Variants in SH3PXD2B observed in about 807,000 individuals in gnomAD.
SH3PXD2B encodes the protein SH3 and PX domains 2B.
SH3PXD2B carries 37 observed loss-of-function variants against 73.1 expected under a neutral mutation model. The observed-to-expected ratio is 0.51, with a 90% CI of 0.39 to 0.67. The LOEUF (loss-of-function observed/expected upper bound fraction) is 0.67. Ranked by LOEUF, SH3PXD2B falls within the 30% of genes least tolerant of loss-of-function variation. The pLI, the probability that SH3PXD2B is intolerant of heterozygous loss-of-function variation, is 0.00. For synonymous variants in SH3PXD2B, 457 were observed against 480.5 expected (o/e 0.95, Z 0.64); for missense variants, 1,053 against 1,197.8 (o/e 0.88, Z 1.78).
chr5:172,395,658 G>A (rs1025586388), intron 3 of SH3PXD2B, among the ~76,000 whole-genome samples: 9 of 152,224 alleles, frequency 5.9e-5, no homozygotes, highest in African/African-American at 1.9e-4. Flanking sequence ...TGGGGAGATA[G>A]TGGCGAAGCA....
intron 4 of SH3PXD2B, among the ~76,000 whole-genome samples, chr5:172,384,674 A>G (rs1168670641): frequency 6.6e-6 from 1 of 152,248 alleles, no homozygotes; most frequent in East Asian, 1.9e-4. Context: ...TGCTTGCAGC[A>G]GGCGTAAACA....
At chr5:172,419,520 G>A (rs183091098) in intron 2 of SH3PXD2B, among the ~76,000 whole-genome samples, 41 of 152,274 alleles carry the variant, frequency 2.7e-4, no homozygotes, top group Admixed American at 1.0e-3. Flanking sequence ...CAGGTGGAAG[G>A]TGCTCACTGG....
chr5:172,334,413 C>T lies in SH3PXD2B; in HGVS notation c.*3956G>A. ...CCTCGATGCATGCTGCTCTACCTCT[C>T]ATCAGCCCACAGTCTGACACGAGGT... On this transcript the variant is annotated 3_prime_UTR_variant, in exon 13 of 13. Coordinates refer to ENST00000311601, the MANE Select transcript of SH3PXD2B (RefSeq NM_001017995.3). 2.0e-6 allele frequency: 2 copies of T among 988,968 alleles called. No homozygotes were observed. Among genetic ancestry groups the T allele is most frequent in the African/African-American group, 1.7e-5 (1 of 57,384 alleles). The allele number at this position is 988,968 out of a possible 1,614,324, so 61.3% of individuals were successfully genotyped here.
chr5:172,327,021 G>A (rs1477751555), intron 12 of SH3PXD2B, among the ~76,000 whole-genome samples: 1 of 151,890 alleles, frequency 6.6e-6, no homozygotes, highest in Admixed American at 6.6e-5. Context: ...CACCAAGCCT[G>A]GCTGATTTTT....
chr5:172,360,132 C>T (rs377368489), intron 7 of SH3PXD2B, among the ~76,000 whole-genome samples: 23 of 152,230 alleles, frequency 1.5e-4, no homozygotes, highest in African/African-American at 4.8e-4. Flanking sequence ...GTCGGCCGGG[C>T]GTGGTGGCTC....
Position 172,353,790 on chromosome 5 carries a change from A to G in SH3PXD2B, c.785+98T>C. The G allele has an allele frequency of 1.1e-6, 1 of 931,950 alleles. No homozygotes were observed. Among genetic ancestry groups the G allele is most frequent in the Admixed American group, 1.7e-5 (1 of 59,024 alleles). The allele number at this position is 931,950 out of a possible 1,614,324, so 57.7% of individuals were successfully genotyped here. ...GCGGAAACTTCGCCCAGATGCAATC[A>G]CTTACCGACCTCTGTGAGGCCAGAG... On this transcript the variant is annotated intron_variant, in intron 9 of 12. Transcript: ENST00000311601. This position sits in a 1 kb window ranked among gnomAD's most constrained non-coding sequence, Gnocchi z 4.3.
intron 10 of SH3PXD2B, among the ~76,000 whole-genome samples, chr5:172,348,659 CTATCTATCTATCTATCTATCTAT>C (rs1757064807): frequency 9.3e-6 from 1 of 107,784 alleles, no homozygotes; most frequent in African/African-American, 3.3e-5. Flanking sequence ...TCTATCCTAT[CTATCTATCTATCTATCTATCTAT>C]CTATCTATCT....
chr5:172,358,707 C>T (rs1757333601), intron 8 of SH3PXD2B, 66 bp downstream of exon 8: 1 of 1,445,960 alleles, frequency 6.9e-7, no homozygotes, highest in Non-Finnish European at 9.5e-7. Context: ...GATGAAAAGG[C>T]AACCCAGTAT....
At chr5:172,363,860 A>T (rs1757451080) in intron 6 of SH3PXD2B, among the ~76,000 whole-genome samples, 1 of 152,202 alleles carries the variant, frequency 6.6e-6, no homozygotes, top group South Asian at 2.1e-4. Flanking sequence ...TTGAGAAAGG[A>T]ATGACAAGAG....
At chr5:172,350,936 G>A (rs1757148330) in intron 9 of SH3PXD2B, among the ~76,000 whole-genome samples, 1 of 152,326 alleles carries the variant, frequency 6.6e-6, no homozygotes, top group South Asian at 2.1e-4. Context: ...TAGACAGATG[G>A]AGATCTGTTC....
intron 1 of SH3PXD2B, among the ~76,000 whole-genome samples, chr5:172,447,143 T>C (rs886522512): frequency 1.3e-5 from 2 of 151,606 alleles, no homozygotes; most frequent in Non-Finnish European, 2.9e-5. Context: ...AAAACAAGAA[T>C]ATGTGTTCAT....
Position 172,339,876 on chromosome 5 carries a change from A to G in SH3PXD2B, c.1229T>C (p.Ile410Thr), listed in dbSNP as rs758908295. 1.9e-6 allele frequency: 3 copies of G among 1,614,196 alleles called. No individual in the cohort carries two copies. Among genetic ancestry groups the G allele is most frequent in the South Asian group, 2.2e-5 (2 of 91,082 alleles). Residue 410 changes from isoleucine to threonine, a missense_variant, in exon 13 of 13, where the codon ATT becomes ACT. By Grantham distance (89) the Ile-to-Thr change is moderately conservative. This residue lies in a region of SH3PXD2B where 466 missense variants were observed against 607.1 expected (regional missense o/e 0.77). Transcript: ENST00000311601. The surrounding 1 kb of genome is among the most constrained non-coding windows in gnomAD (Gnocchi z 6.1). ...CGGGGCCCACCCTTCCTTATCTTCA[A>G]TCTGAATGTACCACCAGCCACTCAA... ...KNLSGWWYIQ[I>T]EDKEGWAPAT...
chr5:172,382,166 G>C (rs764659266), intron 4 of SH3PXD2B, 39 bp from the exon 5 acceptor site: 3 of 1,528,002 alleles, frequency 2.0e-6, no homozygotes, highest in Non-Finnish European at 2.7e-6. Context: ...AAGGAGGAGA[G>C]GGGGCTGAGC....
chr5:172,423,545 T>TG (rs34097249), intron 1 of SH3PXD2B, among the ~76,000 whole-genome samples: 9,266 of 66,594 alleles, frequency 0.14, 630 homozygotes, highest in South Asian at 0.28. Flanking sequence ...GATACGGGGT[T>TG]GGGGGGGGGG....
At position 172,339,997 on chromosome 5, in the gene SH3PXD2B, ACTGGAGCTCTAGAAGCTGT is replaced by A; in HGVS notation, c.1189-100_1189-82del. On this transcript the variant is annotated intron_variant, in intron 12 of 12. Transcript: ENST00000311601. The surrounding 1 kb of genome is among the most constrained non-coding windows in gnomAD (Gnocchi z 6.1). Reference sequence around the variant, plus strand: ...AATGGTTTGGCAGAACCCATGTGCAACTGGAGCTCTAGAAGCTGTCACTGTGTACTCAGCAGCTCCTCTG... The same window carrying A: ...AATGGTTTGGCAGAACCCATGTGCAACACTGTGTACTCAGCAGCTCCTCTG... The A allele has an allele frequency of 6.3e-7, 1 of 1,585,020 alleles. No individual in the cohort carries two copies. Among genetic ancestry groups the A allele is most frequent in the Non-Finnish European group, 8.6e-7 (1 of 1,165,766 alleles).
intron 9 of SH3PXD2B, among the ~76,000 whole-genome samples, chr5:172,350,898 G>C (rs144147623): frequency 6.6e-6 from 1 of 152,184 alleles, no homozygotes; most frequent in Admixed American, 6.5e-5. Flanking sequence ...CTTCCCAGCA[G>C]CCCCAGCTCT....
At chr5:172,422,968 C>T (rs909393111) in intron 1 of SH3PXD2B, among the ~76,000 whole-genome samples, 12 of 152,300 alleles carry the variant, frequency 7.9e-5, no homozygotes, top group Admixed American at 5.2e-4. Context: ...ATTTTTTCCC[C>T]GAGTCCCAGT....
At chr5:172,418,652 G>C (rs774699829) in intron 2 of SH3PXD2B, among the ~76,000 whole-genome samples, 3 of 152,196 alleles carry the variant, frequency 2.0e-5, no homozygotes, top group East Asian at 1.9e-4. Context: ...GGGTGTGTGT[G>C]GGGGAGGAGG....
chr5:172,404,301 GAT>G (rs771362295), intron 3 of SH3PXD2B, among the ~76,000 whole-genome samples: 3 of 149,368 alleles, frequency 2.0e-5, no homozygotes, highest in Admixed American at 6.7e-5. Context: ...GCTGAAAAAA[GAT>G]ATATATATAT....
Sources: gnomAD v4.1 joint callset for allele counts (sites outside exome capture counted in the v4.1 genomes callset) on GRCh38, gnomAD v4.1.1 for gene constraint, gnomAD v4.1.1 regional missense constraint, Gnocchi (gnomAD v3.1) non-coding constraint, MANE v1.5 for transcripts, NCBI Gene and HGNC (gene_info 2026-07-23, HGNC 2026-07-21) for gene names.